FBXW12: variants seen among roughly 807,000 people sequenced by gnomAD.
FBXW12 encodes the protein F-box/WD repeat-containing protein 12.
Under a neutral mutation model 55.3 loss-of-function variants are expected in FBXW12, and 43 were observed. The ratio of observed to expected loss-of-function variants is 0.78; its 90% CI spans 0.61 to 1.00. The LOEUF (loss-of-function observed/expected upper bound fraction) is 1.00. Among genes scored for constraint, FBXW12 ranks in the 50% least tolerant of loss-of-function variants. The probability of loss-of-function intolerance (pLI) is 0.00; values close to 1 mark genes in which losing one functional copy is unlikely to be tolerated. For synonymous variants in FBXW12, 184 were observed against 203.8 expected, an observed-to-expected ratio of 0.90 and a Z score of 0.83; for missense variants, 524 against 560.5, an observed-to-expected ratio of 0.93 and a Z score of 0.66.
chr3:48,393,480 C>T (rs2036960443), intron 10 of FBXW12, among the ~76,000 whole-genome samples: 1 of 152,180 alleles, frequency 6.6e-6, no homozygotes, highest in Admixed American at 6.5e-5. Flanking sequence ...GTAAAAGTGT[C>T]ACTTCATTAA....
At position 48,375,356 on chromosome 3, in the gene FBXW12, T is replaced by G; in HGVS notation, c.289T>G (p.Phe97Val). Residue 97 changes from phenylalanine to valine, a missense_variant and splice_region_variant, in exon 5 of 11, where the codon TTT becomes GTT. Physicochemically the swap from Phe to Val is conservative, Grantham distance 50. Transcript: ENST00000296438. ...FIYKVTKNIA[F>V]ETELAYLSGN... ...AAGTCTTCTATGTTTCCTTCTAGCA[T>G]TTGAGACGGAGTTGGCTTATCTCTC... is the stretch of plus-strand genomic sequence containing the variant. The G allele has an allele frequency of 6.3e-7, 1 of 1,589,378 alleles. No homozygotes were observed. The highest frequency in any genetic ancestry group is 1.3e-5 in the African/African-American group (1 of 74,354).
chr3:48,383,031 C>T (rs1364778064), intron 10 of FBXW12, among the ~76,000 whole-genome samples: 1 of 152,160 alleles, frequency 6.6e-6, no homozygotes, highest in African/African-American at 2.4e-5. Context: ...TTTAAATTAC[C>T]ATCGTATATC....
chr3:48,394,329 G>C (rs1479757417), intron 10 of FBXW12, among the ~76,000 whole-genome samples: 1 of 152,144 alleles, frequency 6.6e-6, no homozygotes, highest in Non-Finnish European at 1.5e-5. Flanking sequence ...ATCAGATACT[G>C]ACAATTCTGG....
In FBXW12 at chr3:48,372,739, A is replaced by T. The variant is rs774827526; in HGVS notation, c.-29A>T. On this transcript the variant is annotated 5_prime_UTR_variant, in exon 2 of 11. Transcript: ENST00000296438. The stretch of plus-strand genomic sequence containing the variant: ...CAGAGCAGCCCGGAGAGGAGAAAGG[A>T]AAGTGGATGTGGGTTCAGGCCGCAT... 6.2e-7 allele frequency: 1 copy of T among 1,614,184 alleles called. No homozygotes were observed. The highest frequency in any genetic ancestry group is 8.5e-7 in the Non-Finnish European group (1 of 1,180,010).
In FBXW12 at chr3:48,380,688, G is replaced by A. The variant is rs769670082; in HGVS notation, c.775-14G>A. 50 of 1,600,768 alleles carry A rather than the reference G, an allele frequency of 3.1e-5. No homozygotes were observed. Among genetic ancestry groups the A allele is most frequent in the African/African-American group, 4.0e-5 (3 of 74,664 alleles). Reference sequence around the variant, plus strand: ...GTTCCCTGCCCCTGACCATGCATGCGATGCTCTCTTTAGGTATTCCTCACA... The same window carrying A: ...GTTCCCTGCCCCTGACCATGCATGCAATGCTCTCTTTAGGTATTCCTCACA... On this transcript the variant is annotated splice_polypyrimidine_tract_variant and intron_variant, in intron 7 of 10. Transcript: ENST00000296438.
In FBXW12 at chr3:48,380,786, G is replaced by A. The variant is rs144607752; in HGVS notation, c.859G>A (p.Ala287Thr). Residue 287 changes from alanine (A) to threonine (T), a missense_variant, in exon 8 of 11, where the codon GCC (alanine) becomes ACC (threonine). Ala to Thr is a moderately conservative substitution (Grantham distance 58, BLOSUM62 0). Coordinates refer to ENST00000296438, the MANE Select transcript of FBXW12 (RefSeq NM_207102.2). ...TCTCCCACATAAATTATGTGCCAGC[G>A]CCTGCTGGACCCCAAAGGTGAAAAA... ...TFLPHKLCAS[A>T]CWTPKVKNRI... The A allele has an allele frequency of 8.5e-5, 137 of 1,613,924 alleles. No homozygotes were observed. In the African/African-American group the frequency reaches 1.1e-3, roughly 13 times the overall value.
chr3:48,378,656 T>G, intron 6 of FBXW12, 130 bp downstream of exon 6: 1 of 735,008 alleles, frequency 1.4e-6, no homozygotes, highest in Non-Finnish European at 2.2e-6. Flanking sequence ...ACTCTGTTGC[T>G]CAGGCTGGAG....
intron 10 of FBXW12, among the ~76,000 whole-genome samples, chr3:48,390,663 C>T (rs9854119): frequency 6.6e-6 from 1 of 151,796 alleles, no homozygotes; most frequent in Non-Finnish European, 1.5e-5. Context: ...ATCCGCCTGC[C>T]TCAGCCTCCC....
At chr3:48,386,941 C>T (rs1206824502) in intron 10 of FBXW12, among the ~76,000 whole-genome samples, 2 of 142,000 alleles carry the variant, frequency 1.4e-5, no homozygotes, top group Admixed American at 7.0e-5. Flanking sequence ...TCTTCTTCTT[C>T]TTTTTTTTTT....
intron 10 of FBXW12, among the ~76,000 whole-genome samples, chr3:48,393,919 C>T (rs1360000602): frequency 6.6e-6 from 1 of 151,782 alleles, no homozygotes; most frequent in Non-Finnish European, 1.5e-5. Context: ...GCTGGGACTA[C>T]AGGCGTGCAC....
chr3:48,380,770 TA>T lies in FBXW12; in HGVS notation c.846del (p.Lys282AsnfsTer12). On this transcript the variant is annotated frameshift_variant, in exon 8 of 11. Coordinates refer to ENST00000296438, the MANE Select transcript of FBXW12 (RefSeq NM_207102.2). LOFTEE classifies it high-confidence loss of function. ...TTCCTCTGTCTACCTTTCTCCCACA[TA>T]AATTATGTGCCAGCGCCTGCTGGAC... ...SVPLSTFLPH[K>X]LCASACWTPK... The T allele has an allele frequency of 1.2e-6, 2 of 1,614,148 alleles. No homozygotes were observed. Among genetic ancestry groups the T allele is most frequent in the Non-Finnish European group, 8.5e-7 (1 of 1,179,980 alleles).
Position 48,380,816 on chromosome 3 carries a change from A to G in FBXW12, c.889A>G (p.Ile297Val), listed in dbSNP as rs2036755976. 1 of 1,614,170 alleles carries G rather than the reference A, an allele frequency of 6.2e-7. No individual in the cohort carries two copies. Among genetic ancestry groups the G allele is most frequent in the Non-Finnish European group, 8.5e-7 (1 of 1,180,016 alleles). ...CTGGACCCCAAAGGTGAAAAACAGG[A>G]TAACACTGATGTCCCAAAGTAGCAC... is the stretch of plus-strand genomic sequence containing the variant. ...ACWTPKVKNRITLMSQSSTGK... is the reference protein window; with the variant it reads ...ACWTPKVKNRVTLMSQSSTGK... Residue 297 changes from isoleucine to valine, a missense_variant, in exon 8 of 11, where the codon ATA becomes GTA. Coordinates refer to ENST00000296438, the MANE Select transcript of FBXW12 (RefSeq NM_207102.2).
chr3:48,385,489 G>A (rs146807538), intron 10 of FBXW12, among the ~76,000 whole-genome samples: 1,559 of 152,188 alleles, frequency 0.01, 37 homozygotes, highest in Non-Finnish European at 9.0e-3. Context: ...AGTAATGAGC[G>A]TGCAGACATC....
chr3:48,373,805 A>C, intron 4 of FBXW12, 100 bp downstream of exon 4: 1 of 1,139,164 alleles, frequency 8.8e-7, no homozygotes, highest in Non-Finnish European at 1.3e-6. Context: ...TCATTCAGTA[A>C]AGGGAAAAGG....
At chr3:48,388,026 C>T (rs967074380) in intron 10 of FBXW12, among the ~76,000 whole-genome samples, 1 of 152,124 alleles carries the variant, frequency 6.6e-6, no homozygotes, top group Non-Finnish European at 1.5e-5. Flanking sequence ...TTCCCTTTTC[C>T]TCTTTGAGCC....
intron 10 of FBXW12, 82 bp downstream of exon 10, chr3:48,382,167 AG>A: frequency 1.3e-6 from 2 of 1,484,988 alleles, no homozygotes; most frequent in Non-Finnish European, 1.8e-6. Flanking sequence ...ACCAGGCTGT[AG>A]TGCAGTGGCG....
chr3:48,390,212 T>A (rs912509692), intron 10 of FBXW12, among the ~76,000 whole-genome samples: 2 of 152,140 alleles, frequency 1.3e-5, no homozygotes, highest in Admixed American at 1.3e-4. Context: ...ATCAGGATCT[T>A]TCCTGATACC....
chr3:48,391,579 G>A lies in FBXW12; in HGVS notation c.1296-2981G>A, dbSNP rs572519493. On this transcript the variant is annotated intron_variant, in intron 10 of 10. Transcript: ENST00000296438. ...CCTTGTCTTGTTCCAGTTCTCAAAG[G>A]GAATGCTTCCAGTTTTTACCCATTC... Among the ~76,000 whole-genome samples the A allele has an allele frequency of 1.2e-4, 19 of 152,096 alleles. 1 individual carries two copies. The South Asian group carries it at 3.9e-3, about 32-fold the overall frequency.
intron 6 of FBXW12, 23 bp from the exon 7 acceptor site, chr3:48,379,377 T>A: frequency 1.2e-6 from 2 of 1,612,402 alleles, no homozygotes; most frequent in Non-Finnish European, 1.7e-6. Context: ...CCTATTGATA[T>A]GGTGGGGATG....
Sources: gnomAD v4.1 joint callset for allele counts (sites outside exome capture counted in the v4.1 genomes callset) on GRCh38, gnomAD v4.1.1 for gene constraint, MANE v1.5 for transcripts, NCBI Gene and HGNC (gene_info 2026-07-23, HGNC 2026-07-21) for gene names.